Variants in ANXA7 observed in about 807,000 individuals in gnomAD.
ANXA7 encodes annexin VII.
A neutral mutation model predicts 64.9 loss-of-function variants in ANXA7; 55 were observed. The observed-to-expected ratio is 0.85, with a 90% CI of 0.68 to 1.06. The LOEUF (loss-of-function observed/expected upper bound fraction) is 1.06. ANXA7 is among the 50% of genes least tolerant of loss of function. The pLI is 0.00. For missense variants in ANXA7, 548 were observed against 582.1 expected (o/e 0.94, Z 0.60); for synonymous variants, 200 against 192.4 (o/e 1.04, Z -0.33).
intron 9 of ANXA7, 63 bp downstream of exon 9, chr10:73,383,112 C>G: frequency 6.9e-7 from 1 of 1,450,842 alleles, no homozygotes; most frequent in African/African-American, 1.4e-5. Flanking sequence ...AGAATGCTCA[C>G]TGGCAAAAGG....
At chr10:73,398,714 T>C (rs1415681811) in intron 2 of ANXA7, among the ~76,000 whole-genome samples, 1 of 151,896 alleles carries the variant, frequency 6.6e-6, no homozygotes, top group Admixed American at 6.6e-5. Flanking sequence ...TTTCCCAGCA[T>C]CTACAAATAT....
intron 7 of ANXA7, among the ~76,000 whole-genome samples, chr10:73,383,937 C>T (rs1482982598): frequency 5.9e-5 from 9 of 151,944 alleles, no homozygotes; most frequent in Admixed American, 2.0e-4. Flanking sequence ...CTGGTTAACA[C>T]GGTGAAACCC....
chr10:73,386,627 A>C (rs957428021), intron 7 of ANXA7, among the ~76,000 whole-genome samples: 14 of 152,322 alleles, frequency 9.2e-5, no homozygotes, highest in African/African-American at 3.4e-4. Context: ...ACAACACAGA[A>C]GCATAAAAGA....
At chr10:73,393,362 A>G (rs1350918089) in intron 5 of ANXA7, among the ~76,000 whole-genome samples, 1 of 152,166 alleles carries the variant, frequency 6.6e-6, no homozygotes, top group Non-Finnish European at 1.5e-5. Flanking sequence ...AAACTACTTT[A>G]AAGTTCATAT....
Position 73,397,164 on chromosome 10 carries a change from C to A in ANXA7, c.370G>T (p.Gly124Cys). 1 of 1,576,498 alleles carries A rather than the reference C, an allele frequency of 6.3e-7. No individual in the cohort carries two copies. Among genetic ancestry groups the A allele is most frequent in the Non-Finnish European group, 8.6e-7 (1 of 1,158,594 alleles). ...GGGPAQVPLP[G>C]GFPGGQMPSQ... Reference sequence around the variant, plus strand: ...TTTTTTCTGGACAGCTGGTACCTACCAGGTAGTGGAACCTGTGCTGGACCA... The same window carrying A: ...TTTTTTCTGGACAGCTGGTACCTACAAGGTAGTGGAACCTGTGCTGGACCA... Residue 124 changes from glycine to cysteine, a missense_variant and splice_region_variant, in exon 4 of 13, where the codon GGT becomes TGT. Gly to Cys is a radical substitution (Grantham distance 159). Coordinates refer to ENST00000372921, the MANE Select transcript of ANXA7 (RefSeq NM_001156.5).
rs555312505 is a variant in ANXA7, at chr10:73,380,301, C to CT, written c.919-101dup. The CT allele has an allele frequency of 8.1e-3, 8,703 of 1,077,010 alleles. 4 individuals are homozygous for CT. The highest frequency in any genetic ancestry group is 0.013 in the Middle Eastern group (43 of 3,408). 66.7% of individuals were successfully genotyped at this position (1,077,010 alleles called of 1,614,324 possible). ...ACTTTTGGATTTAAAGAGACTATTT[C>CT]TTTTTTTTTTGAGATAGGGTCTTGC... On this transcript the variant is annotated intron_variant, in intron 9 of 12. Coordinates refer to ENST00000372921, the MANE Select transcript of ANXA7 (RefSeq NM_001156.5).
At chr10:73,408,728 T>C (rs938487387) in intron 1 of ANXA7, among the ~76,000 whole-genome samples, 4 of 152,224 alleles carry the variant, frequency 2.6e-5, no homozygotes, top group African/African-American at 7.2e-5. Context: ...ATGTACCTTA[T>C]AGAAATACTT....
At chr10:73,387,524 C>CAAAACAAAACAAAAAAA in intron 7 of ANXA7, among the ~76,000 whole-genome samples, 165 bp downstream of exon 7, 1 of 152,042 alleles carries the variant, frequency 6.6e-6, no homozygotes, top group East Asian at 1.9e-4. Flanking sequence ...CAAAACAAAA[C>CAAAACAAAACAAAAAAA]AAAACAAAAA....
intron 1 of ANXA7, among the ~76,000 whole-genome samples, chr10:73,411,782 C>T (rs1415914384): frequency 2.0e-5 from 3 of 151,704 alleles, no homozygotes; most frequent in African/African-American, 7.3e-5. Flanking sequence ...TTATGGATAG[C>T]CATACAAGGA....
rs771267661 is a variant in ANXA7, at chr10:73,375,135, G to A, written c.*960C>T. ...CCATTTATACGTGGAATCTAAAATA[G>A]CTGAACTTAAACACAGTGGTGGTTG... On this transcript the variant is annotated 3_prime_UTR_variant, in exon 13 of 13. Transcript: ENST00000372921. 3 of 152,156 alleles carry A rather than the reference G, an allele frequency of 2.0e-5. No homozygotes were observed. The highest frequency in any genetic ancestry group is 4.4e-5 in the Non-Finnish European group (3 of 68,032). 9.4% of individuals were successfully genotyped at this position (152,156 alleles called of 1,614,324 possible).
At chr10:73,399,562 C>T (rs1156629852) in intron 2 of ANXA7, among the ~76,000 whole-genome samples, 1 of 152,208 alleles carries the variant, frequency 6.6e-6, no homozygotes, top group Non-Finnish European at 1.5e-5. Context: ...GTGGCTCATG[C>T]CTGTAATCCC....
rs546249042 is a variant in ANXA7, at chr10:73,387,766, T to A, written c.556A>T (p.Ile186Phe). The A allele has an allele frequency of 6.2e-7, 1 of 1,612,714 alleles. No individual in the cohort carries two copies. Among genetic ancestry groups the A allele is most frequent in the Non-Finnish European group, 8.5e-7 (1 of 1,179,858 alleles). ...MKGFGTDEQA[I>F]VDVVANRSND... Reference sequence around the variant, plus strand: ...GAACGGTTGGCCACCACATCCACAATTGCCTGCTCATCTGTCCCTGGAAGA... The same window carrying A: ...GAACGGTTGGCCACCACATCCACAAATGCCTGCTCATCTGTCCCTGGAAGA... Residue 186 changes from isoleucine (I) to phenylalanine (F), a missense_variant, in exon 7 of 13, where the codon ATT (isoleucine) becomes TTT (phenylalanine). Physicochemically the swap from Ile to Phe is conservative, Grantham distance 21. Coordinates refer to ENST00000372921, the MANE Select transcript of ANXA7 (RefSeq NM_001156.5).
In ANXA7 at chr10:73,380,168, G is replaced by A; in HGVS notation, c.952C>T (p.Gln318Ter). The change falls in exon 10 of 13, where the codon CAA (glutamine) becomes TAA (stop). Residue 318 changes from glutamine (Q) to a stop codon, truncating the protein, a stop_gained. Coordinates refer to ENST00000372921, the MANE Select transcript of ANXA7 (RefSeq NM_001156.5). LOFTEE classifies it high-confidence loss of function. Reference sequence around the variant, plus strand: ...CGCTGAGCATCTTCCTGAGCCATTTGGTGGTTTATACTCTGGTTCTCATCA... The same window carrying A: ...CGCTGAGCATCTTCCTGAGCCATTTAGTGGTTTATACTCTGGTTCTCATCA... ...NRDENQSINH[Q>*]MAQEDAQRLY... 6.2e-7 allele frequency: 1 copy of A among 1,614,044 alleles called. No homozygotes were observed. Among genetic ancestry groups the A allele is most frequent in the South Asian group, 1.1e-5 (1 of 91,066 alleles).
intron 5 of ANXA7, among the ~76,000 whole-genome samples, chr10:73,390,511 C>T (rs1261953512): frequency 6.6e-6 from 1 of 151,724 alleles, no homozygotes; most frequent in East Asian, 1.9e-4. Context: ...AGCAAATAGT[C>T]GAGTATAAAA....
chr10:73,386,699 G>A (rs1384391777), intron 7 of ANXA7, among the ~76,000 whole-genome samples: 1 of 152,038 alleles, frequency 6.6e-6, no homozygotes, highest in Non-Finnish European at 1.5e-5. Flanking sequence ...ACAGCGTCTT[G>A]TTCTGTCACC....
Position 73,387,704 on chromosome 10 carries a change from C to A in ANXA7, c.618G>T (p.Lys206Asn). 6.2e-7 allele frequency: 1 copy of A among 1,614,010 alleles called. No individual in the cohort carries two copies. Residue 206 changes from lysine (K) to asparagine (N), a missense_variant, in exon 7 of 13, where the codon AAG (lysine) becomes AAT (asparagine). Coordinates refer to ENST00000372921, the MANE Select transcript of ANXA7 (RefSeq NM_001156.5). Reference sequence around the variant, plus strand: ...AAAAACATACCTTGCCATAGGAGGTCTTAAATGCTGCTTTAATTTTTTGCC... The same window carrying A: ...AAAAACATACCTTGCCATAGGAGGTATTAAATGCTGCTTTAATTTTTTGCC... ...DQRQKIKAAFKTSYGKDLIKD... is the reference protein window; with the variant it reads ...DQRQKIKAAFNTSYGKDLIKD...
chr10:73,376,679 T>G (rs1169540298), intron 12 of ANXA7, among the ~76,000 whole-genome samples: 1 of 152,102 alleles, frequency 6.6e-6, no homozygotes, highest in Non-Finnish European at 1.5e-5. Context: ...CTGGGTATAT[T>G]CAAAATAAGT....
chr10:73,412,795 C>CTTTTTTTTTT (rs55814659), intron 1 of ANXA7, among the ~76,000 whole-genome samples: 1 of 131,626 alleles, frequency 7.6e-6, no homozygotes, highest in African/African-American at 2.8e-5. Context: ...CGCGCTCGGG[C>CTTTTTTTTTT]TTTTTTTTTT....
intron 5 of ANXA7, among the ~76,000 whole-genome samples, chr10:73,391,143 C>A (rs997311548): frequency 6.8e-6 from 1 of 147,830 alleles, no homozygotes; most frequent in Non-Finnish European, 1.5e-5. Context: ...ACACTCTAGC[C>A]TGGCAACAGA....
Sources: gnomAD v4.1 joint callset for allele counts (sites outside exome capture counted in the v4.1 genomes callset) on GRCh38, gnomAD v4.1.1 for gene constraint, MANE v1.5 for transcripts, NCBI Gene and HGNC (gene_info 2026-07-23, HGNC 2026-07-21) for gene names.